Variants in SAGE1 observed in about 807,000 individuals in gnomAD.
SAGE1 encodes sarcoma antigen 1.
A neutral mutation model predicts 55.4 loss-of-function variants in SAGE1; 55 were observed. The observed-to-expected ratio is 0.99, with a 90% CI of 0.80 to 1.24. SAGE1 has a LOEUF of 1.24. SAGE1 is among the 50% of genes most tolerant of loss of function. The probability of loss-of-function intolerance (pLI) is 0.00; values close to 1 mark genes in which losing one functional copy is unlikely to be tolerated. For missense variants in SAGE1, 710 were observed against 704.4 expected, an observed-to-expected ratio of 1.01 and a Z score of -0.09; for synonymous variants, 240 against 244.3, an observed-to-expected ratio of 0.98 and a Z score of 0.17.
intron 7 of SAGE1, 37 bp from the exon 8 acceptor site, chrX:135,906,889 C>T (rs782188794): frequency 1.6e-5 from 19 of 1,191,911 alleles, no homozygotes; most frequent in Admixed American, 6.7e-5. Flanking sequence ...CCATAATACA[C>T]TTACCTAACA....
chrX:135,900,897 A>T (rs1441908269), intron 2 of SAGE1, among the ~76,000 whole-genome samples: 3 of 111,240 alleles, frequency 2.7e-5, no homozygotes, highest in African/African-American at 9.8e-5. Flanking sequence ...CTGTAATCCC[A>T]GCACTTTGGG....
In SAGE1 at chrX:135,907,086, G is replaced by A. The variant is rs782803509; in HGVS notation, c.877+20G>A. 1.1e-5 allele frequency: 13 copies of A among 1,191,750 alleles called. No individual in the cohort carries two copies. In the South Asian group the frequency reaches 2.2e-4, roughly 20 times the overall value. ...GCCTGTGTATGTTTGCTTGTTAATTGGATTATCCTGCTTGGTTTCCATATA... is the reference window on the plus strand; with the variant it reads ...GCCTGTGTATGTTTGCTTGTTAATTAGATTATCCTGCTTGGTTTCCATATA... On this transcript the variant is annotated intron_variant, in intron 8 of 19. Transcript: ENST00000370709.
At chrX:135,912,464 T>G (rs976940495) in intron 19 of SAGE1, 50 bp downstream of exon 19, 18 of 1,189,693 alleles carry the variant, frequency 1.5e-5, no homozygotes, top group Non-Finnish European at 2.0e-5. Context: ...TGCGCCCAAT[T>G]TGGGACAGGG....
chrX:135,907,707 C>T lies in SAGE1; in HGVS notation c.1025C>T (p.Thr342Ile). ...PGMNTRDQYA[T>I]ITHNVCEERV... ...CTTTTCATTTGGTTTCCAGATGCTA[C>T]CATCACTCACAATGTCTGTGAAGAG... is the stretch of plus-strand genomic sequence containing the variant. Residue 342 changes from threonine to isoleucine, a missense_variant, in exon 10 of 20, where the codon ACC (threonine) becomes ATC (isoleucine). Thr to Ile is a moderately conservative substitution (Grantham distance 89). Coordinates refer to ENST00000370709, the MANE Select transcript of SAGE1 (RefSeq NM_001381902.1). The T allele has an allele frequency of 8.3e-7, 1 of 1,209,288 alleles. No individual in the cohort carries two copies. Among genetic ancestry groups the T allele is most frequent in the Non-Finnish European group, 1.1e-6 (1 of 894,096 alleles).
chrX:135,900,544 G>T (rs2088656681), intron 2 of SAGE1, among the ~76,000 whole-genome samples: 2 of 110,746 alleles, frequency 1.8e-5, no homozygotes, highest in Non-Finnish European at 3.8e-5. Flanking sequence ...TAATTTTTTG[G>T]AATAGTTTCG....
chrX:135,908,235 T>C lies in SAGE1; in HGVS notation c.1300+6T>C. ...CATGAGTACCAGGGATCAGTGTATG[T>C]TTGCTTACTAGTTGTACTATCCTAC... is the stretch of plus-strand genomic sequence containing the variant. On this transcript the variant is annotated splice_donor_region_variant and intron_variant, in intron 11 of 19. Coordinates refer to ENST00000370709, the MANE Select transcript of SAGE1 (RefSeq NM_001381902.1). 4 of 1,200,759 alleles carry C rather than the reference T, an allele frequency of 3.3e-6. No homozygotes were observed. Among genetic ancestry groups the C allele is most frequent in the Non-Finnish European group, 3.4e-6 (3 of 886,560 alleles).
rs782119668 is a variant in SAGE1, at chrX:135,906,543, G to C, written c.728G>C (p.Arg243Thr). The change falls in exon 7 of 20, where the codon AGG becomes ACG. Residue 243 changes from arginine (R) to threonine (T), a missense_variant. Coordinates refer to ENST00000370709, the MANE Select transcript of SAGE1 (RefSeq NM_001381902.1). Reference protein sequence around the residue: ...TDTGISPMSTRDPYATITYNV... With the variant: ...TDTGISPMSTTDPYATITYNV... ...ACTGGTATTTCACCCATGAGTACCAGGGATCCATGTAAGTTTGTTTATTTG... is the reference window on the plus strand; with the variant it reads ...ACTGGTATTTCACCCATGAGTACCACGGATCCATGTAAGTTTGTTTATTTG... 15 of 1,192,801 alleles carry C rather than the reference G, an allele frequency of 1.3e-5. No homozygotes were observed. In the Admixed American group the frequency reaches 3.4e-4, roughly 27 times the overall value.
At chrX:135,899,393 T>C (rs2088634823) in intron 2 of SAGE1, among the ~76,000 whole-genome samples, 1 of 112,202 alleles carries the variant, frequency 8.9e-6, no homozygotes, top group African/African-American at 3.2e-5. Flanking sequence ...TTGGTTACTG[T>C]AGCCCTGTAG....
chrX:135,895,577 A>C (rs1352932577), intron 1 of SAGE1, among the ~76,000 whole-genome samples: 2 of 112,388 alleles, frequency 1.8e-5, no homozygotes, highest in Admixed American at 1.9e-4. Context: ...TGGGAAGAAT[A>C]GTGCCAATTT....
Position 135,901,610 on chromosome X carries a change from A to C in SAGE1, c.139A>C (p.Lys47Gln), listed in dbSNP as rs781996594. 1.2e-5 allele frequency: 15 copies of C among 1,208,059 alleles called. No individual in the cohort carries two copies. Among genetic ancestry groups the C allele is most frequent in the South Asian group, 1.2e-4 (7 of 56,732 alleles). ...GGTTGCAACAGGGCATCAAAGCAAAAAGAAACATTCCAGAAAATCCAAGAG... is the reference window on the plus strand; with the variant it reads ...GGTTGCAACAGGGCATCAAAGCAAACAGAAACATTCCAGAAAATCCAAGAG... ...NLVATGHQSK[K>Q]KHSRKSKRHS... The change falls in exon 3 of 20, where the codon AAG becomes CAG. Residue 47 changes from lysine to glutamine, a missense_variant. Physicochemically the swap from Lys to Gln is moderately conservative, Grantham distance 53. Coordinates refer to ENST00000370709, the MANE Select transcript of SAGE1 (RefSeq NM_001381902.1).
rs782558158 is a variant in SAGE1, at chrX:135,906,482, T to C, written c.667T>C (p.Leu223=). ...NVQPAPDNVL[L]TLRPRRINMT... ...CCAACCAGCACCTGATAACGTGTTG[T>C]TGACTCTTCGACCACGGCGTATTAA... Residue 223 remains leucine (L), a synonymous_variant, in exon 7 of 20, where the codon TTG becomes CTG. Coordinates refer to ENST00000370709, the MANE Select transcript of SAGE1 (RefSeq NM_001381902.1). 1.3e-5 allele frequency: 16 copies of C among 1,209,180 alleles called. No homozygotes were observed. The highest frequency in any genetic ancestry group is 1.7e-5 in the African/African-American group (1 of 57,374).
chrX:135,901,122 G>A (rs1343292584), intron 2 of SAGE1, among the ~76,000 whole-genome samples: 5 of 87,995 alleles, frequency 5.7e-5, no homozygotes, highest in Admixed American at 5.7e-4. Flanking sequence ...CAGCCTGGGC[G>A]ACAGAGCAAG....
chrX:135,895,911 G>A (rs186454226), intron 1 of SAGE1, among the ~76,000 whole-genome samples: 344 of 111,371 alleles, frequency 3.1e-3, no homozygotes, highest in Non-Finnish European at 5.2e-3. Flanking sequence ...GTATAAGGAA[G>A]GTCAGCCCAT....
Position 135,908,469 on chromosome X carries a change from G to A in SAGE1, c.1301-8G>A. ...ACTCACAGCTCGACCTCTTTATTTGGTTTCTAGATGCTACCGTCAATCACC... is the reference window on the plus strand; with the variant it reads ...ACTCACAGCTCGACCTCTTTATTTGATTTCTAGATGCTACCGTCAATCACC... On this transcript the variant is annotated splice_polypyrimidine_tract_variant and splice_region_variant and intron_variant, in intron 11 of 19. Transcript: ENST00000370709. 1 of 1,197,038 alleles carries A rather than the reference G, an allele frequency of 8.4e-7. No individual in the cohort carries two copies. The highest frequency in any genetic ancestry group is 1.1e-6 in the Non-Finnish European group (1 of 889,741).
chrX:135,893,951 C>T (rs1348118037), intron 1 of SAGE1, among the ~76,000 whole-genome samples, 170 bp downstream of exon 1: 2 of 112,056 alleles, frequency 1.8e-5, no homozygotes, highest in Non-Finnish European at 3.8e-5. Flanking sequence ...AATTTGCACG[C>T]GAAGCCATCT....
rs1236282957 is a variant in SAGE1 at position 135,906,661 on chromosome X, A to G, written c.736+110A>G. 2.9e-5 allele frequency: 29 copies of G among 997,852 alleles called. No homozygotes were observed. In the Admixed American group the frequency reaches 7.4e-4, roughly 26 times the overall value. The allele number at this position is 997,852 out of a possible 1,213,427, so 82.2% of individuals were successfully genotyped here. A position where few individuals can be genotyped will look rare whatever the true frequency, so the allele number is the denominator to read the frequency against. ...TATTGTCGTTCCTGGTATTTCACCC[A>G]TGAGTACCAGGGATCCATGTAAGTT... is the stretch of plus-strand genomic sequence containing the variant. On this transcript the variant is annotated intron_variant, in intron 7 of 19. Coordinates refer to ENST00000370709, the MANE Select transcript of SAGE1 (RefSeq NM_001381902.1).
In SAGE1 at chrX:135,908,921, C is replaced by G; in HGVS notation, c.1499C>G (p.Thr500Ser). Residue 500 changes from threonine to serine, a missense_variant, in exon 13 of 20, where the codon ACT (threonine) becomes AGT (serine). Physicochemically the swap from Thr to Ser is moderately conservative, Grantham distance 58. Coordinates refer to ENST00000370709, the MANE Select transcript of SAGE1 (RefSeq NM_001381902.1). Reference sequence around the variant, plus strand: ...AAGATGGAAAGTGGCAAACCCCAAACTGATAAGGTCATATCAAATGATGCA... The same window carrying G: ...AAGATGGAAAGTGGCAAACCCCAAAGTGATAAGGTCATATCAAATGATGCA... Reference protein sequence around the residue: ...EEKMESGKPQTDKVISNDAPQ... With the variant: ...EEKMESGKPQSDKVISNDAPQ... The G allele has an allele frequency of 8.3e-7, 1 of 1,208,254 alleles. No homozygotes were observed. The highest frequency in any genetic ancestry group is 1.7e-5 in the African/African-American group (1 of 57,564).
At position 135,906,077 on chromosome X, in the gene SAGE1, C is replaced by T. The variant is rs2088781710; in HGVS notation, c.508C>T (p.Gln170Ter). The T allele has an allele frequency of 8.3e-7, 1 of 1,204,739 alleles. No homozygotes were observed. Among genetic ancestry groups the T allele is most frequent in the African/African-American group, 1.8e-5 (1 of 56,898 alleles). Residue 170 changes from glutamine (Q) to a stop codon, truncating the protein, a stop_gained, in exon 6 of 20, where the codon CAA (glutamine) becomes TAA (stop). Coordinates refer to ENST00000370709, the MANE Select transcript of SAGE1 (RefSeq NM_001381902.1). LOFTEE classifies it high-confidence loss of function. ...AGAGAGAATGGAAAATGGCCAACCCCAACCTGATAACGTCTTGTCAACTGG... is the reference window on the plus strand; with the variant it reads ...AGAGAGAATGGAAAATGGCCAACCCTAACCTGATAACGTCTTGTCAACTGG... ...REERMENGQP[Q>*]PDNVLSTGPT...
In SAGE1 at chrX:135,910,438, C is replaced by T. The variant is rs868920111; in HGVS notation, c.1888C>T (p.Arg630Cys). 2.0e-5 allele frequency: 24 copies of T among 1,208,406 alleles called. No homozygotes were observed. In the Admixed American group the frequency reaches 3.9e-4, roughly 20 times the overall value. ...AGATGCTGCAGTCACTCACAACATCCGTGAAGAGAAGATAAATAACAGCCA... is the reference window on the plus strand; with the variant it reads ...AGATGCTGCAGTCACTCACAACATCTGTGAAGAGAAGATAAATAACAGCCA... ...DQYAAVTHNI[R>C]EEKINNSQPA... The change falls in exon 16 of 20, where the codon CGT (arginine) becomes TGT (cysteine). Residue 630 changes from arginine (R) to cysteine (C), a missense_variant. Coordinates refer to ENST00000370709, the MANE Select transcript of SAGE1 (RefSeq NM_001381902.1).
Sources: gnomAD v4.1 joint callset for allele counts (sites outside exome capture counted in the v4.1 genomes callset) on GRCh38, gnomAD v4.1.1 for gene constraint, MANE v1.5 for transcripts, NCBI Gene and HGNC (gene_info 2026-07-23, HGNC 2026-07-21) for gene names.